MESP2: variants seen among roughly 807,000 people sequenced by gnomAD.
MESP2 encodes mesoderm posterior bHLH transcription factor 2, also known as mesoderm posterior protein 2.
Under a neutral mutation model 37.8 loss-of-function variants are expected in MESP2, and 34 were observed. The ratio of observed to expected loss-of-function variants is 0.90; its 90% CI spans 0.68 to 1.20. MESP2 has a LOEUF of 1.20. MESP2 is among the 50% of genes most tolerant of loss of function. The pLI, the probability that MESP2 is intolerant of heterozygous loss-of-function variation, is 0.00. For missense variants in MESP2, 646 were observed against 545.3 expected, an observed-to-expected ratio of 1.18 and a Z score of -1.84; for synonymous variants, 303 against 251.6, an observed-to-expected ratio of 1.20 and a Z score of -1.93.
chr15:89,776,854 C>A lies in MESP2; in HGVS notation c.497C>A (p.Pro166His). The change falls in exon 1 of 2, where the codon CCC (proline) becomes CAC (histidine). Residue 166 changes from proline to histidine, a missense_variant. By Grantham distance (77) the Pro-to-His change is moderately conservative (BLOSUM62 -2). Transcript: ENST00000341735. The part of the protein sequence containing the change: ...AGSPWGCPLC[P>H]DRGPAEAQTQ... ...TCCCCTTGGGGCTGCCCGCTGTGCCCCGACCGTGGCCCCGCAGAGGCGCAG... is the reference window on the plus strand; with the variant it reads ...TCCCCTTGGGGCTGCCCGCTGTGCCACGACCGTGGCCCCGCAGAGGCGCAG... 6.9e-7 allele frequency: 1 copy of A among 1,459,494 alleles called. No individual in the cohort carries two copies. The highest frequency in any genetic ancestry group is 2.5e-5 in the East Asian group (1 of 39,476). The allele number at this position is 1,459,494 out of a possible 1,614,324, so 90.4% of individuals were successfully genotyped here.
rs1198245634 is a variant in MESP2, at chr15:89,778,723, TA to T, written c.*394del. The T allele has an allele frequency of 4.9e-6, 1 of 202,580 alleles. No individual in the cohort carries two copies. Among genetic ancestry groups the T allele is most frequent in the African/African-American group, 2.3e-5 (1 of 43,246 alleles). 12.5% of individuals were successfully genotyped at this position (202,580 alleles called of 1,614,324 possible). A position where few individuals can be genotyped will look rare whatever the true frequency, so the allele number is the denominator to read the frequency against. ...CTGTATGCTTTGATTTTTTTGTACT[TA>T]AAAAGAAAAAACACACACACACAAC... is the stretch of plus-strand genomic sequence containing the variant. On this transcript the variant is annotated 3_prime_UTR_variant, in exon 2 of 2. Transcript: ENST00000341735.
rs889997005 is a variant in MESP2 at position 89,777,123 on chromosome 15, C to G, written c.766C>G (p.Gln256Glu). 1.2e-6 allele frequency: 2 copies of G among 1,612,970 alleles called. No homozygotes were observed. The highest frequency in any genetic ancestry group is 1.7e-6 in the Non-Finnish European group (2 of 1,180,004). Residue 256 changes from glutamine to glutamate, a missense_variant, in exon 1 of 2, where the codon CAG (glutamine) becomes GAG (glutamate). By Grantham distance (29) the Gln-to-Glu change is conservative. Transcript: ENST00000341735. ...AACACCCCCTTACTGCCCCAAGATA[C>G]AGTCGCCCCCGTATTCGTCCCAAGG... Reference protein sequence around the residue: ...WATPPYCPKIQSPPYSSQGTT... With the variant: ...WATPPYCPKIESPPYSSQGTT...
Position 89,778,464 on chromosome 15 carries a change from G to C in MESP2, c.*130G>C. ...CCTTTTTCCAAGTGATGTCTTTCAG[G>C]GAAGCAGTGTTTGAAATAGATAGCG... On this transcript the variant is annotated 3_prime_UTR_variant, in exon 2 of 2. Transcript: ENST00000341735. 1 of 1,245,602 alleles carries C rather than the reference G, an allele frequency of 8.0e-7. No homozygotes were observed. Among genetic ancestry groups the C allele is most frequent in the Non-Finnish European group, 1.1e-6 (1 of 871,474 alleles). 77.2% of individuals were successfully genotyped at this position (1,245,602 alleles called of 1,614,324 possible).
chr15:89,777,221 G>GA lies in MESP2; in HGVS notation c.866dup (p.Asn289LysfsTer78). ...GGACGCAGTCGTCCCCAGAGCCCCGGAACCCACCAGTGCCCTGGACGGCGG... is the reference window on the plus strand; with the variant it reads ...GGACGCAGTCGTCCCCAGAGCCCCGGAAACCCACCAGTGCCCTGGACGGCGG... On this transcript the variant is annotated frameshift_variant, in exon 1 of 2. Coordinates refer to ENST00000341735, the MANE Select transcript of MESP2 (RefSeq NM_001039958.2). LOFTEE classifies it high-confidence loss of function. The GA allele has an allele frequency of 6.2e-7, 1 of 1,612,488 alleles. No homozygotes were observed. The highest frequency in any genetic ancestry group is 1.1e-5 in the South Asian group (1 of 90,968).
At position 89,776,705 on chromosome 15, in the gene MESP2, C is replaced by T. The variant is rs751393756; in HGVS notation, c.348C>T (p.Gly116=). Residue 116 remains glycine, a synonymous_variant, in exon 1 of 2, where the codon GGC becomes GGT. Transcript: ENST00000341735. ...RFLPPSLAPA[G]QSLTKIETLR... ...TGCCTCCCTCCTTGGCGCCGGCCGGCCAGAGCCTGACCAAGATCGAGACGC... is the reference window on the plus strand; with the variant it reads ...TGCCTCCCTCCTTGGCGCCGGCCGGTCAGAGCCTGACCAAGATCGAGACGC... The T allele has an allele frequency of 2.6e-6, 4 of 1,563,850 alleles. No individual in the cohort carries two copies. Among genetic ancestry groups the T allele is most frequent in the Non-Finnish European group, 3.4e-6 (4 of 1,161,016 alleles).
At position 89,776,673 on chromosome 15, in the gene MESP2, C is replaced by A. The variant is rs144331163; in HGVS notation, c.316C>A (p.Arg106Ser). Residue 106 changes from arginine to serine, a missense_variant, in exon 1 of 2, where the codon CGC becomes AGC. Physicochemically the swap from Arg to Ser is moderately radical, Grantham distance 110. Coordinates refer to ENST00000341735, the MANE Select transcript of MESP2 (RefSeq NM_001039958.2). Reference sequence around the variant, plus strand: ...GGCCCGCGCCCTGCACGAGTTGCGCCGCTTTCTGCCTCCCTCCTTGGCGCC... The same window carrying A: ...GGCCCGCGCCCTGCACGAGTTGCGCAGCTTTCTGCCTCCCTCCTTGGCGCC... ...TLARALHELRRFLPPSLAPAG... is the reference protein window; with the variant it reads ...TLARALHELRSFLPPSLAPAG... 78 of 1,544,556 alleles carry A rather than the reference C, an allele frequency of 5.0e-5. No homozygotes were observed. The highest frequency in any genetic ancestry group is 2.9e-4 in the Admixed American group (15 of 51,522).
At position 89,778,597 on chromosome 15, in the gene MESP2, G is replaced by T. The variant is rs1228600942; in HGVS notation, c.*263G>T. On this transcript the variant is annotated 3_prime_UTR_variant, in exon 2 of 2. Coordinates refer to ENST00000341735, the MANE Select transcript of MESP2 (RefSeq NM_001039958.2). ...CACAGTCTGAGCTGCTCTAAGAAGG[G>T]GTCTCCTTTACCCTAAAGGCAGCTG... 1.5e-5 allele frequency: 8 copies of T among 534,010 alleles called. No individual in the cohort carries two copies. The highest frequency in any genetic ancestry group is 2.0e-5 in the Non-Finnish European group (6 of 297,682). 33.1% of individuals were successfully genotyped at this position (534,010 alleles called of 1,614,324 possible).
At chr15:89,777,570 G>C (rs751961836) in intron 1 of MESP2, among the ~76,000 whole-genome samples, 48 of 152,126 alleles carry the variant, frequency 3.2e-4, no homozygotes, top group Non-Finnish European at 6.0e-4. Flanking sequence ...AGACTGCAGT[G>C]GGGGAAGGAA....
intron 1 of MESP2, 89 bp from the exon 2 acceptor site, chr15:89,777,976 C>T: frequency 1.9e-6 from 3 of 1,576,526 alleles, no homozygotes; most frequent in South Asian, 1.1e-5. Flanking sequence ...CCGGATGCTG[C>T]CAGCCATACC....
Position 89,777,233 on chromosome 15 carries a change from G to A in MESP2, c.876G>A (p.Val292=). The change falls in exon 1 of 2, where the codon GTG becomes GTA. Residue 292 remains valine (V), a synonymous_variant. Transcript: ENST00000341735. ...QSSPEPRNPP[V]PWTAAPATLE... ...CCCCAGAGCCCCGGAACCCACCAGTGCCCTGGACGGCGGCCCCAGCAACTT... is the reference window on the plus strand; with the variant it reads ...CCCCAGAGCCCCGGAACCCACCAGTACCCTGGACGGCGGCCCCAGCAACTT... 2 of 1,611,880 alleles carry A rather than the reference G, an allele frequency of 1.2e-6. No homozygotes were observed.
Position 89,777,180 on chromosome 15 carries a change from C to T in MESP2, c.823C>T (p.Pro275Ser), listed in dbSNP as rs778996877. 5.6e-6 allele frequency: 9 copies of T among 1,612,768 alleles called. No individual in the cohort carries two copies. The highest frequency in any genetic ancestry group is 2.2e-5 in the South Asian group (2 of 91,048). ...CTCCGACGCGTCTCTTTGGACGCCA[C>T]CCCAAGGCTGTCCCTGGACGCAGTC... ...TTSDASLWTP[P>S]QGCPWTQSSP... The change falls in exon 1 of 2, where the codon CCC (proline) becomes TCC (serine). Residue 275 changes from proline (P) to serine (S), a missense_variant. Transcript: ENST00000341735.
Position 89,778,465 on chromosome 15 carries a change from G to C in MESP2, c.*131G>C. ...CTTTTTCCAAGTGATGTCTTTCAGG[G>C]AAGCAGTGTTTGAAATAGATAGCGG... On this transcript the variant is annotated 3_prime_UTR_variant, in exon 2 of 2. Coordinates refer to ENST00000341735, the MANE Select transcript of MESP2 (RefSeq NM_001039958.2). 1.6e-6 allele frequency: 2 copies of C among 1,244,776 alleles called. No homozygotes were observed. The highest frequency in any genetic ancestry group is 2.3e-6 in the Non-Finnish European group (2 of 871,306). 77.1% of individuals were successfully genotyped at this position (1,244,776 alleles called of 1,614,324 possible).
At position 89,778,196 on chromosome 15, in the gene MESP2, C is replaced by T. The variant is rs201495246; in HGVS notation, c.1056C>T (p.Asn352=). The T allele has an allele frequency of 6.2e-7, 1 of 1,613,680 alleles. No homozygotes were observed. Among genetic ancestry groups the T allele is most frequent in the Admixed American group, 1.7e-5 (1 of 60,022 alleles). ...CWSHSAEVVP[N]SEDQGPGAAF... ...GCCACAGTGCAGAGGTGGTGCCCAA[C>T]TCAGAGGACCAGGGACCGGGCGCCG... Residue 352 remains asparagine, a synonymous_variant, in exon 2 of 2, where the codon AAC becomes AAT. Coordinates refer to ENST00000341735, the MANE Select transcript of MESP2 (RefSeq NM_001039958.2).
Position 89,777,281 on chromosome 15 carries a change from G to A in MESP2, c.924G>A (p.Gln308=), listed in dbSNP as rs1968384924. Reference sequence around the variant, plus strand: ...CTTTGGAGCTGGCCGCAGTGTACCAGGTATGTGTGGAGGCCCTTGCTGTGT... The same window carrying A: ...CTTTGGAGCTGGCCGCAGTGTACCAAGTATGTGTGGAGGCCCTTGCTGTGT... The part of the protein sequence containing the change: ...PATLELAAVY[Q]GLSVSPEPCL... Residue 308 remains glutamine, a splice_region_variant and synonymous_variant, in exon 1 of 2, where the codon CAG becomes CAA. Transcript: ENST00000341735. The A allele has an allele frequency of 6.2e-7, 1 of 1,610,218 alleles. No homozygotes were observed. Among genetic ancestry groups the A allele is most frequent in the Admixed American group, 1.7e-5 (1 of 59,670 alleles).
In MESP2 at chr15:89,776,497, G is replaced by A; in HGVS notation, c.140G>A (p.Gly47Asp). Residue 47 changes from glycine to aspartate, a missense_variant, in exon 1 of 2, where the codon GGC becomes GAC. Physicochemically the swap from Gly to Asp is moderately conservative, Grantham distance 94. Transcript: ENST00000341735. ...SDSSGSCPCD[G>D]ARGLPQPQPP... ...TCGTCGGGTTCGTGCCCCTGCGACG[G>A]CGCCCGCGGACTCCCGCAGCCACAG... 3 of 1,533,398 alleles carry A rather than the reference G, an allele frequency of 2.0e-6. No homozygotes were observed. The highest frequency in any genetic ancestry group is 2.6e-6 in the Non-Finnish European group (3 of 1,145,770). 95.0% of individuals were successfully genotyped at this position (1,533,398 alleles called of 1,614,324 possible).
chr15:89,776,994 G>A lies in MESP2; in HGVS notation c.637G>A (p.Ala213Thr), dbSNP rs781296717. The change falls in exon 1 of 2, where the codon GCC (alanine) becomes ACC (threonine). Residue 213 changes from alanine to threonine, a missense_variant. Transcript: ENST00000341735. Reference sequence around the variant, plus strand: ...GGGGCGCAGGCCGGGCCTGGTCTCCGCCGTCCTCGCCGAGGCGTCCTGGGG... The same window carrying A: ...GGGGCGCAGGCCGGGCCTGGTCTCCACCGTCCTCGCCGAGGCGTCCTGGGG... ...GQGRRPGLVS[A>T]VLAEASWGSP... The A allele has an allele frequency of 5.1e-6, 8 of 1,567,594 alleles. No individual in the cohort carries two copies. Among genetic ancestry groups the A allele is most frequent in the African/African-American group, 1.4e-5 (1 of 73,586 alleles).
intron 1 of MESP2, among the ~76,000 whole-genome samples, 192 bp from the exon 2 acceptor site, chr15:89,777,873 G>A (rs994327487): frequency 6.6e-6 from 1 of 152,188 alleles, no homozygotes; most frequent in Non-Finnish European, 1.5e-5. Context: ...TTACTAGTGA[G>A]TAGCAGAACT....
At position 89,778,497 on chromosome 15, in the gene MESP2, T is replaced by C; in HGVS notation, c.*163T>C. On this transcript the variant is annotated 3_prime_UTR_variant, in exon 2 of 2. Transcript: ENST00000341735. The stretch of plus-strand genomic sequence containing the variant: ...TGTTTGAAATAGATAGCGGGTACCT[T>C]CCCTGGATGGAGTCAGGGCGGGGGC... The C allele has an allele frequency of 1.1e-6, 1 of 925,280 alleles. No homozygotes were observed. Among genetic ancestry groups the C allele is most frequent in the Non-Finnish European group, 1.7e-6 (1 of 597,352 alleles). 57.3% of individuals were successfully genotyped at this position (925,280 alleles called of 1,614,324 possible). A position where few individuals can be genotyped will look rare whatever the true frequency, so the allele number is the denominator to read the frequency against.
At position 89,777,125 on chromosome 15, in the gene MESP2, G is replaced by A. The variant is rs1007092330; in HGVS notation, c.768G>A (p.Gln256=). The change falls in exon 1 of 2, where the codon CAG becomes CAA. Residue 256 remains glutamine (Q), a synonymous_variant. Transcript: ENST00000341735. ...CACCCCCTTACTGCCCCAAGATACA[G>A]TCGCCCCCGTATTCGTCCCAAGGGA... ...WATPPYCPKI[Q]SPPYSSQGTT... is the part of the protein sequence containing the mutation. 4 of 1,612,864 alleles carry A rather than the reference G, an allele frequency of 2.5e-6. No individual in the cohort carries two copies. Among genetic ancestry groups the A allele is most frequent in the African/African-American group, 2.7e-5 (2 of 74,938 alleles).
Sources: allele counts gnomAD v4.1 joint callset (sites outside exome capture counted in the v4.1 genomes callset), GRCh38; gene constraint gnomAD v4.1.1; transcripts MANE v1.5; gene names NCBI Gene and HGNC (gene_info 2026-07-23, HGNC 2026-07-21).